The following RNF43 variants were observed in gnomAD, a reference collection of about 807,000 sequenced individuals.
The protein encoded by RNF43 is ring finger protein 43.
In RNF43, 37 loss-of-function variants were observed where a neutral mutation model predicts 78.4. That is an observed-to-expected ratio of 0.47 (90% CI 0.36 to 0.62). RNF43 has a LOEUF of 0.62. RNF43 is among the 20% of genes least tolerant of loss of function. The pLI, the probability that RNF43 is intolerant of heterozygous loss-of-function variation, is 0.00. For missense variants in RNF43, 774 were observed against 1,007.9 expected (o/e 0.77, Z 3.14); for synonymous variants, 347 against 395.0 (o/e 0.88, Z 1.44).
In RNF43 at chr17:58,357,557, G is replaced by C; in HGVS notation, c.2219C>G (p.Pro740Arg). 1 of 1,614,212 alleles carries C rather than the reference G, an allele frequency of 6.2e-7. No individual in the cohort carries two copies. The highest frequency in any genetic ancestry group is 1.6e-4 in the Middle Eastern group (1 of 6,062). ...TPRQPLEPHPPGEGPSEWSSD... is the reference protein window; with the variant it reads ...TPRQPLEPHPRGEGPSEWSSD... ...ACTCCATTCAGAAGGCCCCTCCCCA[G>C]GTGGATGTGGTTCCAGGGGCTGGCG... The change falls in exon 9 of 10, where the codon CCT becomes CGT. Residue 740 changes from proline (P) to arginine (R), a missense_variant. Transcript: ENST00000407977. This position sits in a 1 kb window ranked among gnomAD's most constrained non-coding sequence, Gnocchi z 4.5.
chr17:58,360,272 C>T lies in RNF43; in HGVS notation c.850-21G>A, dbSNP rs764977489. On this transcript the variant is annotated intron_variant, in intron 7 of 9. Coordinates refer to ENST00000407977, the MANE Select transcript of RNF43 (RefSeq NM_017763.6). This position sits in a 1 kb window ranked among gnomAD's most constrained non-coding sequence, Gnocchi z 4.3. ...AGCTCCTGGAGAAAAAGAGGGGGTC[C>T]AAACCAAAGGCTTCTGTAGCCATAG... The T allele has an allele frequency of 1.3e-6, 2 of 1,583,690 alleles. No individual in the cohort carries two copies. The highest frequency in any genetic ancestry group is 2.2e-5 in the South Asian group (2 of 90,502).
chr17:58,411,739 G>A (rs1567898594), intron 2 of RNF43, among the ~76,000 whole-genome samples: 2 of 152,158 alleles, frequency 1.3e-5, no homozygotes, highest in Non-Finnish European at 2.9e-5. Context: ...GATTAATTTT[G>A]AGTTGTCCCT....
intron 2 of RNF43, among the ~76,000 whole-genome samples, chr17:58,401,594 C>T (rs1973801840): frequency 6.6e-6 from 1 of 152,144 alleles, no homozygotes; most frequent in South Asian, 2.1e-4. Flanking sequence ...AAACAAAATG[C>T]CAAATCCTAT....
intron 2 of RNF43, chr17:58,402,664 T>C (rs188816345): frequency 1.3e-5 from 2 of 152,364 alleles, no homozygotes; most frequent in African/African-American, 2.4e-5. Context: ...CTTAAAGTTA[T>C]AGTCTTAATT....
intron 2 of RNF43, among the ~76,000 whole-genome samples, chr17:58,394,265 G>A (rs1038345025): frequency 6.6e-6 from 1 of 152,152 alleles, no homozygotes; most frequent in African/African-American, 2.4e-5. Flanking sequence ...ACTACAAAAG[G>A]AAACCCTATC....
At position 58,371,043 on chromosome 17, in the gene RNF43, G is replaced by C. The variant is rs758297561; in HGVS notation, c.253-10C>G. 9.6e-6 allele frequency: 15 copies of C among 1,566,942 alleles called. No individual in the cohort carries two copies. The highest frequency in any genetic ancestry group is 3.6e-5 in the Admixed American group (2 of 56,314). ...GGTACAGCGGGTGGGACTGCAGAGAGAGACAGACTTGGGTTAGGGAGGCTT... is the reference window on the plus strand; with the variant it reads ...GGTACAGCGGGTGGGACTGCAGAGACAGACAGACTTGGGTTAGGGAGGCTT... On this transcript the variant is annotated splice_polypyrimidine_tract_variant and intron_variant, in intron 2 of 9. Transcript: ENST00000407977.
chr17:58,415,203 CTCTT>C, intron 2 of RNF43, 119 bp downstream of exon 2: 2 of 995,494 alleles, frequency 2.0e-6, no homozygotes, highest in Non-Finnish European at 3.0e-6. Flanking sequence ...GCAGTATCTA[CTCTT>C]TCTATGAAAT....
In RNF43 at chr17:58,363,413, G is replaced by A. The variant is rs1446102049; in HGVS notation, c.451-7C>T. 2 of 1,614,116 alleles carry A rather than the reference G, an allele frequency of 1.2e-6. No homozygotes were observed. The highest frequency in any genetic ancestry group is 1.3e-5 in the African/African-American group (1 of 75,020). ...GCCCCAGCGGCTGCTGCAGCTACAG[G>A]GGGAAAGTGCCCACAGGGCTGCTGT... On this transcript the variant is annotated splice_polypyrimidine_tract_variant and splice_region_variant and intron_variant, in intron 4 of 9. Coordinates refer to ENST00000407977, the MANE Select transcript of RNF43 (RefSeq NM_017763.6).
In RNF43 at chr17:58,357,016, C is replaced by T; in HGVS notation, c.2308+452G>A. On this transcript the variant is annotated intron_variant, in intron 9 of 9. Transcript: ENST00000407977. The surrounding 1 kb of genome is among the most constrained non-coding windows in gnomAD (Gnocchi z 4.5). ...TCACGCGATTCTCCTGCCTCAGCCT[C>T]CTGAGTAGCTGGGATTATAAGTGCC... 1.7e-6 allele frequency: 1 copy of T among 579,074 alleles called. No individual in the cohort carries two copies. The highest frequency in any genetic ancestry group is 3.1e-6 in the Non-Finnish European group (1 of 323,862). The allele number at this position is 579,074 out of a possible 1,614,324, so 35.9% of individuals were successfully genotyped here.
chr17:58,386,634 T>C (rs952018001), intron 2 of RNF43, among the ~76,000 whole-genome samples: 1 of 152,196 alleles, frequency 6.6e-6, no homozygotes, highest in Non-Finnish European at 1.5e-5. Context: ...TTACTCACTA[T>C]TCTCTCACAT....
At chr17:58,405,378 G>A (rs1973883824) in intron 2 of RNF43, among the ~76,000 whole-genome samples, 1 of 152,046 alleles carries the variant, frequency 6.6e-6, no homozygotes, top group South Asian at 2.1e-4. Context: ...CACCCGGACT[G>A]TAGTACTTCT....
chr17:58,362,106 CAAACA>C (rs568086253), intron 6 of RNF43, among the ~76,000 whole-genome samples: 25,397 of 148,242 alleles, frequency 0.17, 2,207 homozygotes, highest in Middle Eastern at 0.21. Flanking sequence ...AACAAACAAA[CAAACA>C]AAAAAAAACC....
At chr17:58,370,337 G>A (rs1250817676) in intron 3 of RNF43, among the ~76,000 whole-genome samples, 1 of 152,064 alleles carries the variant, frequency 6.6e-6, no homozygotes. Flanking sequence ...CAAAGTGCTG[G>A]GATTATAGGC....
At chr17:58,407,763 G>C (rs1203627022) in intron 2 of RNF43, among the ~76,000 whole-genome samples, 2 of 152,186 alleles carry the variant, frequency 1.3e-5, no homozygotes, top group Non-Finnish European at 2.9e-5. Flanking sequence ...GGAAACTAAA[G>C]ACACGGGAAG....
At chr17:58,410,363 G>A (rs1393280544) in intron 2 of RNF43, among the ~76,000 whole-genome samples, 6 of 152,182 alleles carry the variant, frequency 3.9e-5, no homozygotes, top group Non-Finnish European at 8.8e-5. Context: ...GGGATCACAG[G>A]AGACAAGCAC....
intron 2 of RNF43, among the ~76,000 whole-genome samples, chr17:58,399,548 A>C (rs1490409018): frequency 1.3e-5 from 2 of 151,900 alleles, no homozygotes; most frequent in Admixed American, 1.3e-4. Flanking sequence ...ACAATCCTGA[A>C]CTCCTTCCCT....
rs2143430365 is a variant in RNF43, at chr17:58,358,895, G to A, written c.953-72C>T. The A allele has an allele frequency of 1.4e-6, 2 of 1,389,614 alleles. No individual in the cohort carries two copies. Among genetic ancestry groups the A allele is most frequent in the Non-Finnish European group, 9.4e-7 (1 of 1,060,604 alleles). 86.1% of individuals were successfully genotyped at this position (1,389,614 alleles called of 1,614,324 possible). The stretch of plus-strand genomic sequence containing the variant: ...CAGAGAATGCATTCAGAAAGACATG[G>A]CTGTAGCTAATCTATTTGACCCTGA... On this transcript the variant is annotated intron_variant, in intron 8 of 9. Coordinates refer to ENST00000407977, the MANE Select transcript of RNF43 (RefSeq NM_017763.6). This position sits in a 1 kb window ranked among gnomAD's most constrained non-coding sequence, Gnocchi z 6.2.
chr17:58,392,628 C>T (rs1029309634), intron 2 of RNF43, among the ~76,000 whole-genome samples: 1 of 152,206 alleles, frequency 6.6e-6, no homozygotes, highest in Non-Finnish European at 1.5e-5. Context: ...GGTTATATGG[C>T]TTCTTTATCT....
rs1211210177 is a variant in RNF43 at position 58,415,797 on chromosome 17, C to A, written c.-220G>T. 52 of 585,702 alleles carry A rather than the reference C, an allele frequency of 8.9e-5. No homozygotes were observed. 36.3% of individuals were successfully genotyped at this position (585,702 alleles called of 1,614,324 possible). On this transcript the variant is annotated 5_prime_UTR_variant, in exon 2 of 10. Coordinates refer to ENST00000407977, the MANE Select transcript of RNF43 (RefSeq NM_017763.6). ...AGAAGAGGATATTTTCAGCCCACAT[C>A]TGCTGCAGGTATGTCATTTTCTCCC... is the stretch of plus-strand genomic sequence containing the variant.
Sources: allele counts gnomAD v4.1 joint callset (sites outside exome capture counted in the v4.1 genomes callset), GRCh38; gene constraint gnomAD v4.1.1; non-coding constraint Gnocchi (gnomAD v3.1); transcripts MANE v1.5; gene names NCBI Gene and HGNC (gene_info 2026-07-23, HGNC 2026-07-21).